The following GPR174 variants were observed in gnomAD, a reference collection of about 807,000 sequenced individuals.
The protein encoded by GPR174 is probable G protein-coupled receptor 174.
GPR174 carries 8 observed loss-of-function variants against 16.5 expected under a neutral mutation model. That is an observed-to-expected ratio of 0.48 (90% CI 0.28 to 0.87). GPR174 has a LOEUF of 0.87. Ranked by LOEUF, GPR174 falls within the 40% of genes least tolerant of loss-of-function variation. The pLI, the probability that GPR174 is intolerant of heterozygous loss-of-function variation, is 0.09. For missense variants in GPR174, 214 were observed against 247.5 expected (o/e 0.86, Z 0.91); for synonymous variants, 111 against 94.8 (o/e 1.17, Z -0.99).
chrX:79,147,060 A>G (rs889261771), intron 1 of GPR174, among the ~76,000 whole-genome samples: 2 of 111,985 alleles, frequency 1.8e-5, no homozygotes, highest in Admixed American at 1.9e-4. Context: ...GTCAGAGAAT[A>G]AGAAATTGTC....
intron 1 of GPR174, among the ~76,000 whole-genome samples, chrX:79,156,340 G>A (rs751356908): frequency 2.7e-5 from 3 of 112,332 alleles, no homozygotes; most frequent in South Asian, 7.4e-4. Context: ...TTGTCTCCTA[G>A]CATGAGCTGT....
chrX:79,156,336 C>T (rs1225830189), intron 1 of GPR174, among the ~76,000 whole-genome samples: 1 of 112,372 alleles, frequency 8.9e-6, no homozygotes, highest in African/African-American at 3.2e-5. Flanking sequence ...TAATTTGTCT[C>T]CTAGCATGAG....
At chrX:79,169,212 A>AT (rs1261352848) in intron 2 of GPR174, among the ~76,000 whole-genome samples, 1 of 111,603 alleles carries the variant, frequency 9.0e-6, no homozygotes, top group Non-Finnish European at 1.9e-5. Flanking sequence ...GAAAAAAAAA[A>AT]TCTGCCCAAG....
rs1428830248 is a variant in GPR174 at position 79,173,633 on chromosome X, T to G, written c.*1624T>G. The G allele has an allele frequency of 8.9e-6, 1 of 112,035 alleles. No individual in the cohort carries two copies. Among genetic ancestry groups the G allele is most frequent in the Non-Finnish European group, 1.9e-5 (1 of 53,160 alleles). 9.2% of individuals were successfully genotyped at this position (112,035 alleles called of 1,213,427 possible). On this transcript the variant is annotated 3_prime_UTR_variant, in exon 3 of 3. Coordinates refer to ENST00000645147, the MANE Select transcript of GPR174 (RefSeq NM_032553.3). ...TGACATCAAAATGAATTCTAATATC[T>G]AGACTGATGGAAAGTTTTCTAAAGT...
intron 2 of GPR174, among the ~76,000 whole-genome samples, chrX:79,168,259 C>A (rs1307611697): frequency 1.8e-5 from 2 of 111,519 alleles, no homozygotes; most frequent in East Asian, 5.6e-4. Flanking sequence ...TCTGCTTTTT[C>A]TGGGCTTAAT....
intron 2 of GPR174, 106 bp downstream of exon 2, chrX:79,157,024 G>A (rs2080506617): frequency 8.9e-6 from 1 of 111,877 alleles, no homozygotes; most frequent in Non-Finnish European, 1.9e-5. Context: ...CTACCCACCT[G>A]TTGCACATTT....
intron 1 of GPR174, among the ~76,000 whole-genome samples, chrX:79,151,953 T>A (rs1290847687): frequency 8.9e-6 from 1 of 111,821 alleles, no homozygotes; most frequent in Non-Finnish European, 1.9e-5. Flanking sequence ...TAAGCTGACA[T>A]AATGTAAAAA....
chrX:79,169,558 G>A (rs1438196706), intron 2 of GPR174, among the ~76,000 whole-genome samples: 2 of 111,465 alleles, frequency 1.8e-5, no homozygotes, highest in East Asian at 2.8e-4. Context: ...GCTCAATGAC[G>A]CACACTTCAA....
intron 2 of GPR174, among the ~76,000 whole-genome samples, chrX:79,168,212 G>C (rs1921423173): frequency 8.9e-6 from 1 of 111,866 alleles, no homozygotes; most frequent in African/African-American, 3.3e-5. Context: ...CAGCTGTTCA[G>C]TTTAACAACA....
At chrX:79,168,258 T>C (rs1428034432) in intron 2 of GPR174, among the ~76,000 whole-genome samples, 2 of 111,757 alleles carry the variant, frequency 1.8e-5, no homozygotes, top group East Asian at 5.6e-4. Flanking sequence ...GTCTGCTTTT[T>C]CTGGGCTTAA....
At chrX:79,153,549 G>C (rs760012036) in intron 1 of GPR174, among the ~76,000 whole-genome samples, 1 of 111,539 alleles carries the variant, frequency 9.0e-6, no homozygotes, top group South Asian at 3.7e-4. Context: ...AGAGAGAGAT[G>C]GGGAACGGAC....
chrX:79,155,682 AAG>A (rs35729499), intron 1 of GPR174, among the ~76,000 whole-genome samples: 2 of 108,504 alleles, frequency 1.8e-5, no homozygotes, highest in East Asian at 2.8e-4. Context: ...AAGAAACAGA[AAG>A]AGAGAGAGAG....
chrX:79,146,395 A>G (rs1261437565), intron 1 of GPR174, among the ~76,000 whole-genome samples: 1 of 112,481 alleles, frequency 8.9e-6, no homozygotes, highest in Non-Finnish European at 1.9e-5. Context: ...CATTCAGCAA[A>G]GAGTATTTTG....
intron 2 of GPR174, among the ~76,000 whole-genome samples, chrX:79,158,778 T>TA (rs61641762): frequency 0.016 from 1,313 of 80,124 alleles, 30 homozygotes; most frequent in African/African-American, 0.05. Flanking sequence ...AGTTAATGAG[T>TA]AAAAAAAAAA....
chrX:79,152,515 G>C (rs1926622038), intron 1 of GPR174, among the ~76,000 whole-genome samples: 1 of 111,472 alleles, frequency 9.0e-6, no homozygotes, highest in South Asian at 3.7e-4. Context: ...CAATAACAAA[G>C]TTTTAGGCTT....
At chrX:79,161,958 C>A (rs947504360) in intron 2 of GPR174, among the ~76,000 whole-genome samples, 3 of 111,842 alleles carry the variant, frequency 2.7e-5, no homozygotes, top group Non-Finnish European at 5.6e-5. Flanking sequence ...TTTTTACTTT[C>A]TTTGATTGTA....
At chrX:79,169,183 G>A (rs1379028734) in intron 2 of GPR174, among the ~76,000 whole-genome samples, 1 of 111,197 alleles carries the variant, frequency 9.0e-6, no homozygotes, top group Non-Finnish European at 1.9e-5. Context: ...GTACAATTGA[G>A]GAAATACAGT....
chrX:79,161,562 C>T (rs1416201058), intron 2 of GPR174, among the ~76,000 whole-genome samples: 1 of 111,776 alleles, frequency 8.9e-6, no homozygotes, highest in African/African-American at 3.3e-5. Flanking sequence ...TATAAAGTCA[C>T]CCTAGCCCAA....
chrX:79,165,503 C>T (rs745536954), intron 2 of GPR174, among the ~76,000 whole-genome samples: 18 of 110,915 alleles, frequency 1.6e-4, no homozygotes, highest in African/African-American at 5.2e-4. Context: ...CATTTGCAGC[C>T]TAAACTCTAT....
Sources: gnomAD v4.1 joint callset for allele counts (sites outside exome capture counted in the v4.1 genomes callset) on GRCh38, gnomAD v4.1.1 for gene constraint, MANE v1.5 for transcripts, NCBI Gene and HGNC (gene_info 2026-07-23, HGNC 2026-07-21) for gene names.